KIF14: variants seen among roughly 807,000 people sequenced by gnomAD.
KIF14 encodes the protein kinesin family member 14, also known as kinesin-like protein KIF14.
Under a neutral mutation model 176.2 loss-of-function variants are expected in KIF14, and 98 were observed. The ratio of observed to expected loss-of-function variants is 0.56; its 90% CI spans 0.47 to 0.66. The LOEUF is 0.66. KIF14 is among the 30% of genes least tolerant of loss of function. The probability of loss-of-function intolerance (pLI) is 0.00; values close to 1 mark genes in which losing one functional copy is unlikely to be tolerated. For synonymous variants in KIF14, 566 were observed against 632.2 expected (o/e 0.90, Z 1.57); for missense variants, 1,751 against 1,920.4 (o/e 0.91, Z 1.65).
intron 22 of KIF14, among the ~76,000 whole-genome samples, chr1:200,575,306 T>G (rs757605612): frequency 4.1e-4 from 62 of 152,234 alleles, no homozygotes; most frequent in Admixed American, 1.6e-3. Flanking sequence ...ACGGAAAATT[T>G]AATTTATGCT....
At position 200,618,293 on chromosome 1, in the gene KIF14, G is replaced by A. The variant is rs752344379; in HGVS notation, c.431C>T (p.Thr144Ile). ...TTCTGTTTCACCTCCCACATTCAGT[G>A]TCATTTTGACAGAATCTATTTCAGC... ...KTAEIDSVKM[T>I]LNVGGETENN... Residue 144 changes from threonine (T) to isoleucine (I), a missense_variant, in exon 2 of 30, where the codon ACA becomes ATA. Physicochemically the swap from Thr to Ile is moderately conservative, Grantham distance 89. Coordinates refer to ENST00000367350, the MANE Select transcript of KIF14 (RefSeq NM_014875.3). The A allele has an allele frequency of 6.2e-7, 1 of 1,613,758 alleles. No individual in the cohort carries two copies. The highest frequency in any genetic ancestry group is 8.5e-7 in the Non-Finnish European group (1 of 1,179,990).
At chr1:200,607,008 AT>A (rs1295730892) in intron 5 of KIF14, among the ~76,000 whole-genome samples, 1 of 149,220 alleles carries the variant, frequency 6.7e-6, no homozygotes, top group Non-Finnish European at 1.5e-5. Flanking sequence ...TAGTAGCACA[AT>A]ATGCAACAAT....
At position 200,605,271 on chromosome 1, in the gene KIF14, TA is replaced by T. The variant is rs773790995; in HGVS notation, c.1746+11del. Reference sequence around the variant, plus strand: ...AAAACTGAAAGAGATCGGGAACTTTTAAAAAAAATACCTTGGTCTGGGTCAT... The same window carrying T: ...AAAACTGAAAGAGATCGGGAACTTTTAAAAAAATACCTTGGTCTGGGTCAT... On this transcript the variant is annotated intron_variant, in intron 8 of 29. Coordinates refer to ENST00000367350, the MANE Select transcript of KIF14 (RefSeq NM_014875.3). 25 of 1,596,974 alleles carry T rather than the reference TA, an allele frequency of 1.6e-5. No homozygotes were observed. The highest frequency in any genetic ancestry group is 5.1e-5 in the Admixed American group (3 of 59,032).
chr1:200,554,727 A>G, intron 28 of KIF14, 121 bp from the exon 29 acceptor site: 1 of 567,728 alleles, frequency 1.8e-6, no homozygotes, highest in South Asian at 2.8e-5. Flanking sequence ...TAATTTCCTC[A>G]CCAGTGCTTA....
At chr1:200,615,713 AG>A in intron 2 of KIF14, 104 bp from the exon 3 acceptor site, 1 of 1,001,110 alleles carries the variant, frequency 1.0e-6, no homozygotes, top group Middle Eastern at 3.2e-4. Context: ...CAATCTTCCA[AG>A]GCAAGATAAT....
intron 8 of KIF14, among the ~76,000 whole-genome samples, chr1:200,605,060 A>C (rs1659804791): frequency 6.6e-6 from 1 of 152,186 alleles, no homozygotes; most frequent in Admixed American, 6.5e-5. Context: ...AAGTTTATAT[A>C]TTTATATGAC....
chr1:200,574,110 G>T (rs1657971256), intron 22 of KIF14, among the ~76,000 whole-genome samples: 1 of 152,160 alleles, frequency 6.6e-6, no homozygotes, highest in African/African-American at 2.4e-5. Flanking sequence ...TCATAGGTTT[G>T]TGGTGTGTAC....
chr1:200,566,782 T>G (rs745645589), intron 23 of KIF14, among the ~76,000 whole-genome samples: 43 of 152,012 alleles, frequency 2.8e-4, no homozygotes, highest in Admixed American at 1.5e-3. Flanking sequence ...TAATTTTCCC[T>G]AAAGAACTGT....
chr1:200,560,788 T>A lies in KIF14; in HGVS notation c.4164A>T (p.Leu1388Phe). ...VQQAVKYVGQ[L>F]AVLKGSKLHF... The stretch of plus-strand genomic sequence containing the variant: ...GTAGCTTGCTCCCTTTCAGAACTGC[T>A]AACTGCCCCACATACTTTACAGCTT... The change falls in exon 26 of 30, where the codon TTA becomes TTT. Residue 1388 changes from leucine (L) to phenylalanine (F), a missense_variant. Transcript: ENST00000367350. The A allele has an allele frequency of 3.1e-6, 5 of 1,614,238 alleles. No homozygotes were observed. Among genetic ancestry groups the A allele is most frequent in the Non-Finnish European group, 4.2e-6 (5 of 1,180,032 alleles).
chr1:200,604,797 G>A (rs1005360234), intron 8 of KIF14, among the ~76,000 whole-genome samples: 1 of 151,788 alleles, frequency 6.6e-6, no homozygotes, highest in African/African-American at 2.4e-5. Flanking sequence ...ATGTTTAGAG[G>A]GGTTTATCTG....
intron 22 of KIF14, among the ~76,000 whole-genome samples, chr1:200,574,502 T>C (rs1258214184): frequency 6.6e-6 from 1 of 152,212 alleles, no homozygotes; most frequent in East Asian, 1.9e-4. Context: ...CTGTCTAGCC[T>C]CAGTTCAGGT....
Position 200,608,880 on chromosome 1 carries a change from T to C in KIF14, c.1504A>G (p.Ile502Val). ...MSFFEVYNEKIHDLLVCKDEN... is the reference protein window; with the variant it reads ...MSFFEVYNEKVHDLLVCKDEN... ...TCTTTACAAACCAGAAGGTCGTGAA[T>C]TTTTTCATTATATACTTCAAAGAAG... Residue 502 changes from isoleucine (I) to valine (V), a missense_variant, in exon 5 of 30, where the codon ATT becomes GTT. Coordinates refer to ENST00000367350, the MANE Select transcript of KIF14 (RefSeq NM_014875.3). The C allele has an allele frequency of 6.2e-7, 1 of 1,610,894 alleles. No homozygotes were observed. Among genetic ancestry groups the C allele is most frequent in the Non-Finnish European group, 8.5e-7 (1 of 1,177,376 alleles).
intron 9 of KIF14, 21 bp from the exon 10 acceptor site, chr1:200,603,362 AT>A: frequency 8.0e-6 from 10 of 1,250,890 alleles, no homozygotes; most frequent in Non-Finnish European, 1.0e-5. Context: ...GAAAAAAAAA[AT>A]TTTTAACTTA....
At position 200,552,053 on chromosome 1, in the gene KIF14, T is replaced by C. The variant is rs1016777006; in HGVS notation, c.*1335A>G. On this transcript the variant is annotated 3_prime_UTR_variant, in exon 30 of 30. Coordinates refer to ENST00000367350, the MANE Select transcript of KIF14 (RefSeq NM_014875.3). ...ACAAGGAAACTATCAGATTTATTCATGGTACGAATGGCCAATTTCAACTAG... is the reference window on the plus strand; with the variant it reads ...ACAAGGAAACTATCAGATTTATTCACGGTACGAATGGCCAATTTCAACTAG... The C allele has an allele frequency of 7.9e-5, 12 of 152,270 alleles. No individual in the cohort carries two copies. Among genetic ancestry groups the C allele is most frequent in the Admixed American group, 2.0e-4 (3 of 15,290 alleles). 9.4% of individuals were successfully genotyped at this position (152,270 alleles called of 1,614,324 possible).
chr1:200,578,517 A>T (rs1658255588), intron 21 of KIF14, among the ~76,000 whole-genome samples: 1 of 152,122 alleles, frequency 6.6e-6, no homozygotes, highest in South Asian at 2.1e-4. Context: ...TAAACTTTAA[A>T]TTCATACCTC....
intron 25 of KIF14, among the ~76,000 whole-genome samples, chr1:200,564,457 C>G (rs937683561): frequency 5.9e-5 from 9 of 152,082 alleles, no homozygotes; most frequent in African/African-American, 2.2e-4. Context: ...GTGTCTACAT[C>G]TAGATTTTAT....
intron 22 of KIF14, among the ~76,000 whole-genome samples, chr1:200,571,132 T>C (rs1657760277): frequency 6.6e-6 from 1 of 152,140 alleles, no homozygotes; most frequent in Admixed American, 6.5e-5. Context: ...TTTGCTGACC[T>C]CTTTTTCCTC....
intron 14 of KIF14, 149 bp downstream of exon 14, chr1:200,598,088 C>T (rs183936063): frequency 1.7e-5 from 11 of 648,214 alleles, no homozygotes; most frequent in African/African-American, 1.7e-4. Flanking sequence ...TTATAACACA[C>T]TCAGAATGTA....
At chr1:200,582,384 A>T (rs1317077469) in intron 19 of KIF14, among the ~76,000 whole-genome samples, 1 of 151,900 alleles carries the variant, frequency 6.6e-6, no homozygotes, top group Non-Finnish European at 1.5e-5. Flanking sequence ...AAAAAAAAAA[A>T]TTTATCATAA....
Sources: gnomAD v4.1 joint callset for allele counts (sites outside exome capture counted in the v4.1 genomes callset) on GRCh38, gnomAD v4.1.1 for gene constraint, MANE v1.5 for transcripts, NCBI Gene and HGNC (gene_info 2026-07-23, HGNC 2026-07-21) for gene names.